Variants in FRMPD1 observed in about 807,000 individuals in gnomAD.
The protein encoded by FRMPD1 is FERM and PDZ domain containing 1.
A neutral mutation model predicts 117.8 loss-of-function variants in FRMPD1; 76 were observed. The ratio of observed to expected loss-of-function variants is 0.65; its 90% CI spans 0.54 to 0.78. The LOEUF (loss-of-function observed/expected upper bound fraction) is 0.78. FRMPD1 is among the 30% of genes least tolerant of loss of function. FRMPD1 has a pLI of 0.00. For missense variants in FRMPD1, 1,786 were observed against 1,964.5 expected (o/e 0.91, Z 1.72); for synonymous variants, 783 against 770.4 (o/e 1.02, Z -0.27).
chr9:37,702,919 G>A (rs1822583793), intron 2 of FRMPD1, among the ~76,000 whole-genome samples: 1 of 152,052 alleles, frequency 6.6e-6, no homozygotes, highest in Non-Finnish European at 1.5e-5. Flanking sequence ...ATTCCCTATC[G>A]GGTTGTTTTG....
intron 2 of FRMPD1, among the ~76,000 whole-genome samples, chr9:37,702,700 G>C (rs1002999300): frequency 1.4e-4 from 21 of 152,220 alleles, no homozygotes; most frequent in African/African-American, 5.1e-4. Flanking sequence ...CAAGGTTGAG[G>C]AGTTTGGCTT....
the FRMPD1 span, among the ~76,000 whole-genome samples, chr9:37,637,964 C>CTTTT: frequency 3.1e-5 from 1 of 32,088 alleles, no homozygotes; most frequent in African/African-American, 9.6e-5. Context: ...ATGGTGTATG[C>CTTTT]TTTCTTTCTT....
Position 37,724,286 on chromosome 9 carries a change from A to G in FRMPD1, c.578A>G (p.Lys193Arg). 6.2e-7 allele frequency: 1 copy of G among 1,601,274 alleles called. No individual in the cohort carries two copies. Among genetic ancestry groups the G allele is most frequent in the Non-Finnish European group, 8.6e-7 (1 of 1,168,384 alleles). Residue 193 changes from lysine (K) to arginine (R), a missense_variant, in exon 7 of 16, where the codon AAA becomes AGA. By Grantham distance (26) the Lys-to-Arg change is conservative. Coordinates refer to ENST00000377765, the MANE Select transcript of FRMPD1 (RefSeq NM_014907.3). ...CTATACTTGGAGAATGGACAGACCA[A>G]AGCTTTCAAGTTTGAGGCAAACACA... ...LKLYLENGQT[K>R]AFKFEANTTV...
At chr9:37,646,526 C>T (rs10124365), upstream of FRMPD1, among the ~76,000 whole-genome samples, 9,666 of 152,270 alleles carry the variant, frequency 0.063, 1,046 homozygotes, top group African/African-American at 0.22. Context: ...CATACTACTT[C>T]TCATTAATTT....
At chr9:37,729,382 CAAAAA>C (rs60967717) in intron 7 of FRMPD1, among the ~76,000 whole-genome samples, 1 of 54,716 alleles carries the variant, frequency 1.8e-5, no homozygotes, top group Non-Finnish European at 2.9e-5. Context: ...GAGACCCTCT[CAAAAA>C]AAAAAAAAAA....
At chr9:37,668,072 A>C (rs983021222) in intron 1 of FRMPD1, 1 of 152,280 alleles carries the variant, frequency 6.6e-6, no homozygotes, top group Non-Finnish European at 1.5e-5. Context: ...CTACAACTAT[A>C]AAATGGATGC....
intron 4 of FRMPD1, among the ~76,000 whole-genome samples, chr9:37,709,350 G>GTTT (rs10672208): frequency 6.0e-5 from 9 of 148,904 alleles, no homozygotes; most frequent in African/African-American, 2.2e-4. Context: ...GGTATTAATT[G>GTTT]TTTTTTTTTC....
At chr9:37,635,106 G>A in the FRMPD1 span, among the ~76,000 whole-genome samples, 1 of 152,112 alleles carries the variant, frequency 6.6e-6, no homozygotes, top group Non-Finnish European at 1.5e-5. Context: ...AGATACTATT[G>A]AAATTGCCAT....
At chr9:37,719,493 T>A (rs1823300822) in intron 6 of FRMPD1, among the ~76,000 whole-genome samples, 1 of 152,224 alleles carries the variant, frequency 6.6e-6, no homozygotes, top group East Asian at 1.9e-4. Context: ...ATCTTCAAAT[T>A]TATTATCCTC....
At chr9:37,715,744 T>G in intron 5 of FRMPD1, 1 of 456,032 alleles carries the variant, frequency 2.2e-6, no homozygotes, top group Non-Finnish European at 4.4e-6. Context: ...AGAGCTGATG[T>G]TCAGGTATAA....
chr9:37,684,780 G>T (rs1463325934), intron 1 of FRMPD1, among the ~76,000 whole-genome samples: 1 of 152,010 alleles, frequency 6.6e-6, no homozygotes, highest in Non-Finnish European at 1.5e-5. Flanking sequence ...TTGAGACAGG[G>T]TCTTACTCTG....
the FRMPD1 span, among the ~76,000 whole-genome samples, chr9:37,607,988 T>C: frequency 6.6e-6 from 1 of 152,204 alleles, no homozygotes; most frequent in African/African-American, 2.4e-5. Context: ...TCGTGGCTTT[T>C]GTGAATCAAT....
Position 37,745,815 on chromosome 9 carries a change from A to C in FRMPD1, c.3783A>C (p.Pro1261=). The part of the protein sequence containing the change: ...NPEPSLPEPL[P]CPQEDPHLET... ...AGCCTTCCCTGCCAGAACCACTACCATGTCCACAAGAGGATCCTCACTTAG... is the reference window on the plus strand; with the variant it reads ...AGCCTTCCCTGCCAGAACCACTACCCTGTCCACAAGAGGATCCTCACTTAG... Residue 1261 remains proline (P), a synonymous_variant, in exon 16 of 16, where the codon CCA becomes CCC. Coordinates refer to ENST00000377765, the MANE Select transcript of FRMPD1 (RefSeq NM_014907.3). The C allele has an allele frequency of 6.2e-7, 1 of 1,614,082 alleles. No individual in the cohort carries two copies.
chr9:37,732,479 C>T (rs774734420), intron 10 of FRMPD1, 39 bp downstream of exon 10: 4 of 1,564,020 alleles, frequency 2.6e-6, no homozygotes, highest in Non-Finnish European at 3.5e-6. Flanking sequence ...GCATTTATAA[C>T]TTGCTGGCCC....
At chr9:37,631,361 G>A in the FRMPD1 span, among the ~76,000 whole-genome samples, 1 of 152,344 alleles carries the variant, frequency 6.6e-6, no homozygotes, top group Middle Eastern at 3.4e-3. Context: ...ATTGTTATCA[G>A]TGAAACACTT....
chr9:37,675,044 A>C (rs1821477005), intron 1 of FRMPD1, among the ~76,000 whole-genome samples: 1 of 152,158 alleles, frequency 6.6e-6, no homozygotes, highest in African/African-American at 2.4e-5. Flanking sequence ...ATCTTTGAGA[A>C]AGATTACTCT....
At chr9:37,729,538 T>C (rs111250964) in intron 7 of FRMPD1, among the ~76,000 whole-genome samples, 190 bp from the exon 8 acceptor site, 14 of 151,984 alleles carry the variant, frequency 9.2e-5, no homozygotes, top group African/African-American at 3.1e-4. Flanking sequence ...GTGATGGAGC[T>C]TGAGGAGAGG....
intron 6 of FRMPD1, 127 bp downstream of exon 6, chr9:37,719,303 C>T (rs772113536): frequency 1.5e-6 from 1 of 655,680 alleles, no homozygotes; most frequent in Non-Finnish European, 2.8e-6. Flanking sequence ...TTGCAAGAGG[C>T]TTTGTGCGCC....
chr9:37,680,775 G>A (rs11793681), intron 1 of FRMPD1, among the ~76,000 whole-genome samples: 20,408 of 152,180 alleles, frequency 0.13, 1,417 homozygotes, highest in Middle Eastern at 0.18. Flanking sequence ...ATGATAAACC[G>A]CCTTTCAGGT....
Sources: gnomAD v4.1 joint callset for allele counts (sites outside exome capture counted in the v4.1 genomes callset) on GRCh38, gnomAD v4.1.1 for gene constraint, MANE v1.5 for transcripts, NCBI Gene and HGNC (gene_info 2026-07-23, HGNC 2026-07-21) for gene names.